The following PRKCE variants were observed in gnomAD, a reference collection of about 807,000 sequenced individuals.
PRKCE encodes protein kinase C epsilon type.
In PRKCE, 16 loss-of-function variants were observed where a neutral mutation model predicts 85.4. The ratio of observed to expected loss-of-function variants is 0.19; its 90% CI spans 0.13 to 0.28. PRKCE has a LOEUF of 0.28. Among genes scored for constraint, PRKCE ranks in the 10% least tolerant of loss-of-function variants. The pLI is 1.00. For missense variants in PRKCE, 573 were observed against 975.2 expected, an observed-to-expected ratio of 0.59 and a Z score of 5.49; for synonymous variants, 388 against 371.5, an observed-to-expected ratio of 1.04 and a Z score of -0.51.
intron 1 of PRKCE, among the ~76,000 whole-genome samples, chr2:45,817,097 GTGTGTGTGT>G (rs1689120055): frequency 6.6e-6 from 1 of 151,410 alleles, no homozygotes; most frequent in African/African-American, 2.4e-5. Flanking sequence ...GTGTGTGTGT[GTGTGTGTGT>G]GTGTTGTGGG....
intron 1 of PRKCE, among the ~76,000 whole-genome samples, chr2:45,704,292 A>G (rs988445424): frequency 3.3e-5 from 5 of 152,112 alleles, no homozygotes; most frequent in African/African-American, 1.2e-4. Flanking sequence ...TGGTTTGTAG[A>G]TTGTTCATTT....
chr2:45,893,468 G>C (rs1003300500), intron 2 of PRKCE, among the ~76,000 whole-genome samples: 11 of 151,550 alleles, frequency 7.3e-5, no homozygotes, highest in African/African-American at 2.7e-4. Context: ...CCTGGGTTCA[G>C]GCAATTCTCC....
At chr2:46,073,178 G>A (rs1483335676) in intron 10 of PRKCE, among the ~76,000 whole-genome samples, 10 of 152,184 alleles carry the variant, frequency 6.6e-5, no homozygotes, top group South Asian at 4.1e-4. Flanking sequence ...ACATCCAGCC[G>A]AGGCCAGCAT....
At chr2:45,989,972 C>T (rs923345095) in intron 6 of PRKCE, among the ~76,000 whole-genome samples, 1 of 152,162 alleles carries the variant, frequency 6.6e-6, no homozygotes, top group African/African-American at 2.4e-5. Context: ...AAAATGTCCT[C>T]TTTTTGTGTG....
intron 2 of PRKCE, among the ~76,000 whole-genome samples, chr2:45,966,460 T>C (rs1701736778): frequency 6.6e-6 from 1 of 152,210 alleles, no homozygotes; most frequent in Non-Finnish European, 1.5e-5. Flanking sequence ...GTCCCATAAA[T>C]GCTAGCTGAC....
chr2:45,902,599 C>G (rs1573811775), intron 2 of PRKCE, among the ~76,000 whole-genome samples: 1 of 152,000 alleles, frequency 6.6e-6, no homozygotes, highest in East Asian at 1.9e-4. Flanking sequence ...GCAGGAGAGG[C>G]CAGGAGGGTC....
chr2:45,896,639 C>T (rs541171327), intron 2 of PRKCE, among the ~76,000 whole-genome samples: 47 of 152,276 alleles, frequency 3.1e-4, no homozygotes, highest in African/African-American at 1.0e-3. Context: ...ATCAAAGTAG[C>T]GCAGTGCATG....
chr2:46,146,914 T>G (rs1676120878), intron 12 of PRKCE, among the ~76,000 whole-genome samples: 1 of 152,194 alleles, frequency 6.6e-6, no homozygotes, highest in African/African-American at 2.4e-5. Flanking sequence ...GTGGCTTTGA[T>G]CCTGTAGGAT....
At chr2:45,857,548 T>A (rs1692775300) in intron 2 of PRKCE, among the ~76,000 whole-genome samples, 1 of 152,208 alleles carries the variant, frequency 6.6e-6, no homozygotes, top group Non-Finnish European at 1.5e-5. Context: ...AATTTTTTTC[T>A]AATTCATTGT....
chr2:45,769,631 T>A (rs1458877333), intron 1 of PRKCE, among the ~76,000 whole-genome samples: 1 of 152,260 alleles, frequency 6.6e-6, no homozygotes, highest in East Asian at 1.9e-4. Flanking sequence ...TGTGAAGGGA[T>A]TCTATTTCAT....
intron 10 of PRKCE, among the ~76,000 whole-genome samples, chr2:46,063,179 G>T (rs2103639041): frequency 1.3e-5 from 2 of 152,294 alleles, no homozygotes; most frequent in Middle Eastern, 6.8e-3. Context: ...TGATGAAATA[G>T]CAACTGGTTA....
Position 45,905,892 on chromosome 2 carries a change from C to T in PRKCE, c.412+62829C>T, listed in dbSNP as rs188521256. Among the ~76,000 whole-genome samples, 3 of 152,334 alleles carry T rather than the reference C, an allele frequency of 2.0e-5. No homozygotes were observed. Among genetic ancestry groups the T allele is most frequent in the Non-Finnish European group, 4.4e-5 (3 of 68,024 alleles). ...TTGAAGGTCTTTACTCCAAGAGGTTCCCTGGGAGGAAGGATGTGCTTGTGC... is the reference window on the plus strand; with the variant it reads ...TTGAAGGTCTTTACTCCAAGAGGTTTCCTGGGAGGAAGGATGTGCTTGTGC... On this transcript the variant is annotated intron_variant, in intron 2 of 14. Transcript: ENST00000306156. This position sits in a 1 kb window ranked among gnomAD's most constrained non-coding sequence, Gnocchi z 4.4.
chr2:45,961,782 G>T (rs1029810069), intron 2 of PRKCE, among the ~76,000 whole-genome samples: 2 of 152,022 alleles, frequency 1.3e-5, no homozygotes, highest in Admixed American at 6.6e-5. Flanking sequence ...TGCAACCTCT[G>T]CCTCCCGGGT....
chr2:45,910,293 C>T (rs768783697), intron 2 of PRKCE, among the ~76,000 whole-genome samples: 30 of 152,122 alleles, frequency 2.0e-4, no homozygotes, highest in Non-Finnish European at 4.3e-4. Context: ...TGGCTGTGTG[C>T]AGAGTTCCAG....
chr2:45,666,079 C>T (rs911727403), intron 1 of PRKCE, among the ~76,000 whole-genome samples: 2 of 152,116 alleles, frequency 1.3e-5, no homozygotes, highest in African/African-American at 2.4e-5. Flanking sequence ...CTTCCTTCTC[C>T]TCCCCTGATG....
At chr2:45,737,947 A>G (rs555728321) in intron 1 of PRKCE, among the ~76,000 whole-genome samples, 26 of 151,992 alleles carry the variant, frequency 1.7e-4, no homozygotes, top group Non-Finnish European at 2.9e-4. Flanking sequence ...CCATTCTTCC[A>G]TCTCCCTGGC....
chr2:46,116,029 G>T (rs1389482263), intron 11 of PRKCE, among the ~76,000 whole-genome samples: 1 of 152,200 alleles, frequency 6.6e-6, no homozygotes, highest in Non-Finnish European at 1.5e-5. Flanking sequence ...TCTCCATAAG[G>T]TGAATGATCA....
intron 1 of PRKCE, among the ~76,000 whole-genome samples, chr2:45,750,201 T>G (rs1460574306): frequency 6.6e-6 from 1 of 152,232 alleles, no homozygotes; most frequent in African/African-American, 2.4e-5. Flanking sequence ...CACAGTGTTG[T>G]GCAACCATCA....
chr2:46,063,005 TTCTTAGAAATCACGAAAGAAAGCAG>T (rs1667296377), intron 10 of PRKCE, among the ~76,000 whole-genome samples: 1 of 152,240 alleles, frequency 6.6e-6, no homozygotes, highest in Admixed American at 6.5e-5. Flanking sequence ...TTTAAGTGCA[TTCTTAGAAATCACGAAAGAAAGCAG>T]AGTGGGCAAG....
Sources: gnomAD v4.1 joint callset for allele counts (sites outside exome capture counted in the v4.1 genomes callset) on GRCh38, gnomAD v4.1.1 for gene constraint, Gnocchi (gnomAD v3.1) non-coding constraint, MANE v1.5 for transcripts, NCBI Gene and HGNC (gene_info 2026-07-23, HGNC 2026-07-21) for gene names.